GRID2: variants seen among roughly 807,000 people sequenced by gnomAD.
GRID2 encodes glutamate ionotropic receptor delta type subunit 2.
Under a neutral mutation model 114.8 loss-of-function variants are expected in GRID2, and 33 were observed. The ratio of observed to expected loss-of-function variants is 0.29; its 90% confidence interval spans 0.22 to 0.38. The LOEUF is 0.38. Ranked by LOEUF, GRID2 falls within the 10% of genes least tolerant of loss-of-function variation. The pLI is 1.00. For missense variants in GRID2, 1,184 were observed against 1,257.7 expected (o/e 0.94, Z 0.89); for synonymous variants, 505 against 449.9 (o/e 1.12, Z -1.55).
At chr4:93,490,243 ATTAT>A (rs1322892847) in intron 11 of GRID2, among the ~76,000 whole-genome samples, 6 of 151,888 alleles carry the variant, frequency 4.0e-5, no homozygotes, top group Admixed American at 3.9e-4. Flanking sequence ...TCCTTTCAAT[ATTAT>A]TTATTTAACT....
At chr4:92,934,965 G>C (rs1188837411) in intron 2 of GRID2, among the ~76,000 whole-genome samples, 2 of 146,340 alleles carry the variant, frequency 1.4e-5, no homozygotes, top group Non-Finnish European at 3.0e-5. Flanking sequence ...TACCATTCAG[G>C]ACATAGGCAT....
chr4:92,559,583 C>T (rs763537949), intron 1 of GRID2, among the ~76,000 whole-genome samples: 1 of 152,116 alleles, frequency 6.6e-6, no homozygotes, highest in Admixed American at 6.6e-5. Flanking sequence ...ACTTTATTGT[C>T]TTCCACAGTC....
At chr4:93,315,665 A>C (rs1427248741) in intron 8 of GRID2, among the ~76,000 whole-genome samples, 1 of 152,168 alleles carries the variant, frequency 6.6e-6, no homozygotes, top group Non-Finnish European at 1.5e-5. Context: ...TCTGCCTGAC[A>C]CATTGTAGGC....
At chr4:92,935,211 A>G (rs1750567751) in intron 2 of GRID2, among the ~76,000 whole-genome samples, 1 of 146,688 alleles carries the variant, frequency 6.8e-6, no homozygotes, top group Non-Finnish European at 1.5e-5. Context: ...AACCCCATCA[A>G]AAAGTGGGCA....
intron 14 of GRID2, among the ~76,000 whole-genome samples, chr4:93,746,279 A>G (rs1731833862): frequency 6.6e-6 from 1 of 152,180 alleles, no homozygotes; most frequent in Non-Finnish European, 1.5e-5. Flanking sequence ...AAAAGTAAAT[A>G]CCATAATACA....
intron 8 of GRID2, among the ~76,000 whole-genome samples, chr4:93,381,582 G>A (rs774582601): frequency 2.0e-5 from 3 of 151,830 alleles, no homozygotes; most frequent in Admixed American, 1.3e-4. Context: ...ATTTTCTATA[G>A]CTATTACATT....
intron 8 of GRID2, among the ~76,000 whole-genome samples, chr4:93,270,498 T>A (rs1201550868): frequency 6.6e-6 from 1 of 152,182 alleles, no homozygotes; most frequent in Non-Finnish European, 1.5e-5. Flanking sequence ...AAGCTCTTAA[T>A]GTGTTACGAG....
intron 2 of GRID2, among the ~76,000 whole-genome samples, chr4:93,040,002 G>A (rs947450461): frequency 5.3e-5 from 8 of 152,168 alleles, no homozygotes; most frequent in East Asian, 1.9e-4. Context: ...CAAATGCACA[G>A]GAATTTAGTT....
At chr4:93,479,019 C>T (rs141635704) in intron 11 of GRID2, among the ~76,000 whole-genome samples, 4 of 152,102 alleles carry the variant, frequency 2.6e-5, no homozygotes, top group South Asian at 2.1e-4. Flanking sequence ...TACATAGAGG[C>T]GTGCATTGAG....
At chr4:92,942,469 A>G (rs1298804828) in intron 2 of GRID2, among the ~76,000 whole-genome samples, 2 of 152,124 alleles carry the variant, frequency 1.3e-5, no homozygotes, top group Admixed American at 6.6e-5. Flanking sequence ...GTGTCTCTGC[A>G]TGTGAGGTGG....
At chr4:92,642,840 T>C (rs942413721) in intron 2 of GRID2, among the ~76,000 whole-genome samples, 1 of 151,740 alleles carries the variant, frequency 6.6e-6, no homozygotes, top group African/African-American at 2.4e-5. Flanking sequence ...TTGTATATGG[T>C]AAAATTTAAG....
At chr4:93,164,916 C>T (rs539294449) in intron 4 of GRID2, 28 of 236,432 alleles carry the variant, frequency 1.2e-4, no homozygotes, top group African/African-American at 6.2e-4. Context: ...AGCCCCTTTC[C>T]AGAGAGGCAC....
At chr4:92,924,927 G>C (rs1038875069) in intron 2 of GRID2, among the ~76,000 whole-genome samples, 3 of 151,996 alleles carry the variant, frequency 2.0e-5, no homozygotes, top group Non-Finnish European at 4.4e-5. Flanking sequence ...TTCTGTTTCT[G>C]ACCTGCTTTT....
At chr4:92,655,508 C>T (rs529102505) in intron 2 of GRID2, among the ~76,000 whole-genome samples, 3 of 151,832 alleles carry the variant, frequency 2.0e-5, no homozygotes, top group Non-Finnish European at 2.9e-5. Flanking sequence ...GATCTGTGAG[C>T]ATGGGTTGTC....
At chr4:93,586,875 C>T (rs1409160550) in intron 13 of GRID2, among the ~76,000 whole-genome samples, 1 of 152,110 alleles carries the variant, frequency 6.6e-6, no homozygotes, top group Non-Finnish European at 1.5e-5. Flanking sequence ...TTTCTTCTCT[C>T]TTTTTTAACC....
At chr4:92,637,140 T>G (rs1009506123) in intron 2 of GRID2, among the ~76,000 whole-genome samples, 1 of 151,940 alleles carries the variant, frequency 6.6e-6, no homozygotes, top group Non-Finnish European at 1.5e-5. Context: ...TCTCATAATG[T>G]TTTTGAATAA....
intron 2 of GRID2, among the ~76,000 whole-genome samples, chr4:92,949,078 A>T (rs1389599816): frequency 6.6e-6 from 1 of 151,736 alleles, no homozygotes; most frequent in African/African-American, 2.4e-5. Context: ...ATGATACAAG[A>T]AGACAACCAA....
At chr4:92,608,220 C>T (rs945217250) in intron 2 of GRID2, among the ~76,000 whole-genome samples, 1 of 151,708 alleles carries the variant, frequency 6.6e-6, no homozygotes, top group African/African-American at 2.4e-5. Flanking sequence ...TCAAGGACAC[C>T]TCTTTCCCAA....
At chr4:93,395,788 A>G in intron 9 of GRID2, 80 bp downstream of exon 9, 1 of 650,642 alleles carries the variant, frequency 1.5e-6, no homozygotes, top group Non-Finnish European at 2.8e-6. Flanking sequence ...AACTGATGAC[A>G]TAATCTTAAA....
Sources: gnomAD v4.1 joint callset for allele counts (sites outside exome capture counted in the v4.1 genomes callset) on GRCh38, gnomAD v4.1.1 for gene constraint, MANE v1.5 for transcripts, NCBI Gene and HGNC (gene_info 2026-07-23, HGNC 2026-07-21) for gene names.